The following SVEP1 variants were observed in gnomAD, a reference collection of about 807,000 sequenced individuals.
The protein encoded by SVEP1 is sushi, von Willebrand factor type A, EGF and pentraxin domain containing 1.
A neutral mutation model predicts 367.3 loss-of-function variants in SVEP1; 164 were observed. The ratio of observed to expected loss-of-function variants is 0.45; its 90% CI spans 0.39 to 0.51. SVEP1 has a LOEUF of 0.51. Among genes scored for constraint, SVEP1 ranks in the 20% least tolerant of loss-of-function variants. The pLI is 0.00. For synonymous variants in SVEP1, 1,666 were observed against 1,611.6 expected (o/e 1.03, Z -0.81); for missense variants, 4,117 against 4,425.3 (o/e 0.93, Z 1.98).
At chr9:110,439,167 G>A (rs1392401175) in intron 27 of SVEP1, among the ~76,000 whole-genome samples, 1 of 152,046 alleles carries the variant, frequency 6.6e-6, no homozygotes, top group Admixed American at 6.5e-5. Context: ...GGAGGTGATT[G>A]GATTTAGATG....
intron 18 of SVEP1, among the ~76,000 whole-genome samples, chr9:110,460,734 C>T (rs537743754): frequency 1.9e-4 from 28 of 150,556 alleles, no homozygotes; most frequent in Admixed American, 1.0e-3. Context: ...GCCTGAGCAA[C>T]GGAGTGAGAC....
intron 43 of SVEP1, among the ~76,000 whole-genome samples, chr9:110,385,452 G>C (rs1588024025): frequency 6.6e-6 from 1 of 152,142 alleles, no homozygotes; most frequent in Non-Finnish European, 1.5e-5. Flanking sequence ...TGTTTTTTCT[G>C]GGCCAGCAGC....
chr9:110,462,944 G>C (rs1828879983), intron 18 of SVEP1, among the ~76,000 whole-genome samples: 1 of 151,860 alleles, frequency 6.6e-6, no homozygotes, highest in Non-Finnish European at 1.5e-5. Context: ...CTAGAAATTT[G>C]CTAAGAGAAT....
chr9:110,465,370 A>G (rs899641837), intron 18 of SVEP1, among the ~76,000 whole-genome samples: 1 of 152,216 alleles, frequency 6.6e-6, no homozygotes, highest in Non-Finnish European at 1.5e-5. Context: ...AGAGAGGATC[A>G]GGTTTCAGTA....
At chr9:110,578,340 GCTT>G (rs1295889640) in intron 1 of SVEP1, among the ~76,000 whole-genome samples, 1 of 149,916 alleles carries the variant, frequency 6.7e-6, no homozygotes, top group African/African-American at 2.4e-5. Context: ...GCAAACAGTG[GCTT>G]TTTTAAAGTG....
At chr9:110,448,672 T>C (rs1828644197) in intron 24 of SVEP1, among the ~76,000 whole-genome samples, 1 of 152,236 alleles carries the variant, frequency 6.6e-6, no homozygotes, top group Non-Finnish European at 1.5e-5. Flanking sequence ...TTCACCTTTC[T>C]TCTAGTTAGG....
At chr9:110,565,826 G>A (rs1490147696) in intron 1 of SVEP1, among the ~76,000 whole-genome samples, 1 of 151,872 alleles carries the variant, frequency 6.6e-6, no homozygotes, top group Non-Finnish European at 1.5e-5. Flanking sequence ...TGGTGAGTAT[G>A]TATCAGTGTG....
Position 110,432,060 on chromosome 9 carries a change from T to C in SVEP1, c.5234-26A>G, listed in dbSNP as rs115607401. On this transcript the variant is annotated intron_variant, in intron 31 of 47. Coordinates refer to ENST00000374469, the MANE Select transcript of SVEP1 (RefSeq NM_153366.4). Reference sequence around the variant, plus strand: ...CTAAAATGAAGACAGCTTATAAATATTAAAGTTGATTCCTTTTCCGTATGT... The same window carrying C: ...CTAAAATGAAGACAGCTTATAAATACTAAAGTTGATTCCTTTTCCGTATGT... The C allele has an allele frequency of 1.2e-3, 1,938 of 1,570,216 alleles. 13 individuals are homozygous for C. In the African/African-American group the frequency reaches 0.02, roughly 16 times the overall value.
chr9:110,514,276 C>T, intron 3 of SVEP1, 170 bp from the exon 4 acceptor site: 1 of 800,586 alleles, frequency 1.2e-6, no homozygotes, highest in Non-Finnish European at 2.0e-6. Flanking sequence ...CTTTGGGAAG[C>T]AGAGGCGGGT....
intron 23 of SVEP1, among the ~76,000 whole-genome samples, chr9:110,450,936 C>T (rs1828683880): frequency 1.3e-5 from 2 of 152,212 alleles, no homozygotes; most frequent in South Asian, 4.1e-4. Context: ...CTTGGATTTA[C>T]TCTTTAGAAA....
rs193129325 is a variant in SVEP1, at chr9:110,567,066, T to C, written c.531+11947A>G. On this transcript the variant is annotated intron_variant, in intron 1 of 47. Transcript: ENST00000374469. The stretch of plus-strand genomic sequence containing the variant: ...GATGTTACAACTATTTTGTTTCAGT[T>C]ATTTGCAACAGAAACATTCAGGAAA... Among the ~76,000 whole-genome samples, 477 of 152,352 alleles carry C rather than the reference T, an allele frequency of 3.1e-3. 2 individuals are homozygous for C. Among genetic ancestry groups the C allele is most frequent in the African/African-American group, 0.011 (450 of 41,588 alleles).
intron 3 of SVEP1, among the ~76,000 whole-genome samples, chr9:110,533,717 C>T (rs186404071): frequency 2.0e-5 from 3 of 152,258 alleles, no homozygotes; most frequent in Admixed American, 1.3e-4. Flanking sequence ...AAGCATAGCC[C>T]GATTTCCTCT....
chr9:110,390,219 A>ATATACTTGTG (rs1827620963), intron 40 of SVEP1, among the ~76,000 whole-genome samples: 1 of 132,922 alleles, frequency 7.5e-6, no homozygotes, highest in Non-Finnish European at 1.6e-5. Context: ...ATATACTTGT[A>ATATACTTGTG]TATATACTTA....
At chr9:110,510,769 T>C (rs1829698509) in intron 5 of SVEP1, among the ~76,000 whole-genome samples, 2 of 152,366 alleles carry the variant, frequency 1.3e-5, no homozygotes, top group African/African-American at 4.8e-5. Flanking sequence ...TCCCATCCTC[T>C]ACCGTAAGGT....
intron 13 of SVEP1, among the ~76,000 whole-genome samples, chr9:110,476,814 C>T (rs1394600097): frequency 6.6e-6 from 1 of 152,108 alleles, no homozygotes; most frequent in African/African-American, 2.4e-5. Context: ...TTCCAGAATT[C>T]TGGAATTGGG....
chr9:110,458,603 G>A, intron 19 of SVEP1, 41 bp from the exon 20 acceptor site: 2 of 1,542,998 alleles, frequency 1.3e-6, no homozygotes, highest in Non-Finnish European at 1.8e-6. Context: ...TGGCAAATAT[G>A]CCAGTAAGTG....
Position 110,477,597 on chromosome 9 carries a change from C to T in SVEP1, c.2488-1282G>A, listed in dbSNP as rs190033324. 1.1e-4 allele frequency among the ~76,000 whole-genome samples: 16 copies of T among 152,090 alleles called. No homozygotes were observed. The East Asian group carries it at 1.2e-3, about 11-fold the overall frequency. On this transcript the variant is annotated intron_variant, in intron 13 of 47. Coordinates refer to ENST00000374469, the MANE Select transcript of SVEP1 (RefSeq NM_153366.4). ...TCTCAGATGATCATTTTTTTTACGC[C>T]GATCAAAATTGAACTCAGAAAAGAG...
intron 9 of SVEP1, among the ~76,000 whole-genome samples, chr9:110,488,442 A>G (rs1302532798): frequency 6.6e-6 from 1 of 152,164 alleles, no homozygotes; most frequent in Non-Finnish European, 1.5e-5. Context: ...AGCCTGAGGA[A>G]GAGAAGCCTA....
chr9:110,458,056 A>T, intron 20 of SVEP1: 1 of 452,458 alleles, frequency 2.2e-6, no homozygotes, highest in Non-Finnish European at 4.4e-6. Context: ...ACTTTTCCCC[A>T]AGAAATCTTT....
Sources: gnomAD v4.1 joint callset for allele counts (sites outside exome capture counted in the v4.1 genomes callset) on GRCh38, gnomAD v4.1.1 for gene constraint, MANE v1.5 for transcripts, NCBI Gene and HGNC (gene_info 2026-07-23, HGNC 2026-07-21) for gene names.